PIP5K1B: variants seen among roughly 807,000 people sequenced by gnomAD.
PIP5K1B encodes phosphatidylinositol-4-phosphate 5-kinase type 1 beta, also known as phosphatidylinositol 4-phosphate 5-kinase type-1 beta.
Under a neutral mutation model 67.0 loss-of-function variants are expected in PIP5K1B, and 42 were observed. The observed-to-expected ratio is 0.63, with a 90% CI of 0.49 to 0.81. PIP5K1B has a LOEUF of 0.81. PIP5K1B is among the 30% of genes least tolerant of loss of function. PIP5K1B has a pLI of 0.00. For synonymous variants in PIP5K1B, 214 were observed against 231.4 expected, an observed-to-expected ratio of 0.92 and a Z score of 0.68; for missense variants, 459 against 646.3, an observed-to-expected ratio of 0.71 and a Z score of 3.14.
chr9:68,927,425 T>G (rs564364897), intron 12 of PIP5K1B, among the ~76,000 whole-genome samples: 1 of 152,224 alleles, frequency 6.6e-6, no homozygotes, highest in African/African-American at 2.4e-5. Context: ...ACATCCTCAC[T>G]GACATATGTT....
chr9:68,723,130 C>G (rs938010064), intron 1 of PIP5K1B, among the ~76,000 whole-genome samples: 2 of 151,938 alleles, frequency 1.3e-5, no homozygotes. Context: ...GACAGGATCT[C>G]GTTCTTTTCT....
intron 4 of PIP5K1B, among the ~76,000 whole-genome samples, chr9:68,834,251 C>T (rs981722950): frequency 2.6e-5 from 4 of 152,302 alleles, no homozygotes; most frequent in South Asian, 2.1e-4. Flanking sequence ...TAACTGCGGC[C>T]GCACTGAATG....
chr9:68,793,085 G>GTATGTGTATACACATATAGTC (rs1832079123), intron 2 of PIP5K1B, among the ~76,000 whole-genome samples: 1 of 151,774 alleles, frequency 6.6e-6, no homozygotes, highest in Non-Finnish European at 1.5e-5. Flanking sequence ...GTGTATGTGT[G>GTATGTGTATACACATATAGTC]TATGTGTATA....
intron 12 of PIP5K1B, among the ~76,000 whole-genome samples, chr9:68,928,996 C>T: frequency 6.6e-6 from 1 of 152,040 alleles, no homozygotes; most frequent in Non-Finnish European, 1.5e-5. Context: ...AACCCCTTCT[C>T]TACTAAAAAT....
chr9:68,774,173 T>C (rs1407140327), intron 2 of PIP5K1B, among the ~76,000 whole-genome samples: 2 of 152,202 alleles, frequency 1.3e-5, no homozygotes, highest in Non-Finnish European at 2.9e-5. Context: ...TTAAGGGTAC[T>C]GTGGGAACAG....
intron 8 of PIP5K1B, among the ~76,000 whole-genome samples, chr9:68,902,538 G>C (rs753113058): frequency 6.6e-6 from 1 of 152,146 alleles, no homozygotes; most frequent in Non-Finnish European, 1.5e-5. Flanking sequence ...GTTTTTTCTA[G>C]TTTTTGAGTG....
At chr9:68,725,733 C>T (rs903183158) in intron 1 of PIP5K1B, among the ~76,000 whole-genome samples, 5 of 152,052 alleles carry the variant, frequency 3.3e-5, no homozygotes, top group South Asian at 2.1e-4. Flanking sequence ...TGAATGTGGA[C>T]GTTTATTGAA....
chr9:68,785,702 C>T (rs1267228130), intron 2 of PIP5K1B, among the ~76,000 whole-genome samples: 1 of 152,060 alleles, frequency 6.6e-6, no homozygotes. Flanking sequence ...GATTCCAGAG[C>T]TGGGAGGTAG....
intron 1 of PIP5K1B, among the ~76,000 whole-genome samples, chr9:68,734,470 C>T (rs151224235): frequency 5.6e-4 from 85 of 152,350 alleles, no homozygotes; most frequent in African/African-American, 1.9e-3. Context: ...CTCAAAGCTA[C>T]GTCCAACATA....
At position 68,780,562 on chromosome 9, in the gene PIP5K1B, C is replaced by G. The variant is rs546322647; in HGVS notation, c.-85-37899C>G. 8 of 1,614,194 alleles carry G rather than the reference C, an allele frequency of 5.0e-6. No individual in the cohort carries two copies. The South Asian group carries it at 7.7e-5, about 16-fold the overall frequency. ...GACAACGACGTGGAGAAATCCGCCT[C>G]CCCCAAGCGCATCGATTTCATTCCT... On this transcript the variant is annotated intron_variant, in intron 2 of 15. Coordinates refer to ENST00000265382, the MANE Select transcript of PIP5K1B (RefSeq NM_003558.4).
At chr9:68,718,764 A>C (rs747037605) in intron 1 of PIP5K1B, among the ~76,000 whole-genome samples, 3 of 152,214 alleles carry the variant, frequency 2.0e-5, no homozygotes, top group Non-Finnish European at 2.9e-5. Context: ...TCAGGAATGC[A>C]AGGCTCTTTG....
At chr9:68,918,832 A>G (rs1411263547) in intron 9 of PIP5K1B, among the ~76,000 whole-genome samples, 5 of 152,226 alleles carry the variant, frequency 3.3e-5, no homozygotes, top group South Asian at 2.1e-4. Flanking sequence ...ATCCTATATC[A>G]GTATGGTGAA....
intron 2 of PIP5K1B, chr9:68,783,032 G>C (rs1432013093): frequency 1.2e-5 from 2 of 166,904 alleles, no homozygotes; most frequent in Non-Finnish European, 2.9e-5. Flanking sequence ...TTAAGTTCTT[G>C]CCTGAGTGAT....
Position 68,991,163 on chromosome 9 carries a change from C to A in PIP5K1B, c.1526C>A (p.Thr509Lys), listed in dbSNP as rs762605145. ...AGCAAAGGGTTACCTTCCAGTTCAACATTTACCTTGGAAGAGGGGACCATC... is the reference window on the plus strand; with the variant it reads ...AGCAAAGGGTTACCTTCCAGTTCAAAATTTACCTTGGAAGAGGGGACCATC... ...SNSKGLPSSS[T>K]FTLEEGTIYL... The change falls in exon 15 of 16, where the codon ACA becomes AAA. Residue 509 changes from threonine to lysine, a missense_variant. Thr to Lys is a moderately conservative substitution (Grantham distance 78). This residue lies in a region of PIP5K1B where 169 missense variants were observed against 171.9 expected (regional missense o/e 0.98). Coordinates refer to ENST00000265382, the MANE Select transcript of PIP5K1B (RefSeq NM_003558.4). 1.6e-5 allele frequency: 25 copies of A among 1,605,946 alleles called. No individual in the cohort carries two copies. The East Asian group carries it at 4.9e-4, about 32-fold the overall frequency.
intron 9 of PIP5K1B, among the ~76,000 whole-genome samples, chr9:68,919,275 TTC>T (rs567699265): frequency 7.6e-4 from 116 of 152,280 alleles, no homozygotes; most frequent in African/African-American, 2.7e-3. Context: ...TAATACATCA[TTC>T]TGGATTCCCA....
intron 2 of PIP5K1B, among the ~76,000 whole-genome samples, chr9:68,802,032 TTCTG>T (rs1404565113): frequency 6.6e-6 from 1 of 152,228 alleles, no homozygotes. Context: ...CTTTGTGATT[TTCTG>T]TCTCTTTCTC....
intron 14 of PIP5K1B, among the ~76,000 whole-genome samples, chr9:68,987,948 G>A (rs1056966020): frequency 3.3e-5 from 5 of 152,082 alleles, no homozygotes; most frequent in Admixed American, 6.6e-5. Flanking sequence ...TGGATGGGGG[G>A]ACACAGACCC....
intron 2 of PIP5K1B, among the ~76,000 whole-genome samples, chr9:68,804,481 A>G (rs1356358363): frequency 6.6e-6 from 1 of 152,156 alleles, no homozygotes; most frequent in Non-Finnish European, 1.5e-5. Flanking sequence ...GTATTAGCAG[A>G]GAGGTTAAGA....
chr9:69,000,541 G>A (rs1415688944), intron 15 of PIP5K1B, among the ~76,000 whole-genome samples: 1 of 152,156 alleles, frequency 6.6e-6, no homozygotes, highest in Non-Finnish European at 1.5e-5. Context: ...TCTGAGGGCT[G>A]TGAGGCAAGG....
Sources: allele counts gnomAD v4.1 joint callset (sites outside exome capture counted in the v4.1 genomes callset), GRCh38; gene constraint gnomAD v4.1.1; regional missense constraint gnomAD v4.1.1; transcripts MANE v1.5; gene names NCBI Gene and HGNC (gene_info 2026-07-23, HGNC 2026-07-21).